Variants in NGLY1 observed in about 807,000 individuals in gnomAD.
The protein encoded by NGLY1 is N-glycanase 1.
A neutral mutation model predicts 84.6 loss-of-function variants in NGLY1; 68 were observed. The observed-to-expected ratio is 0.80, with a 90% CI of 0.66 to 0.98. The LOEUF (loss-of-function observed/expected upper bound fraction) is 0.98. NGLY1 is among the 50% of genes least tolerant of loss of function. The pLI is 0.00. For missense variants in NGLY1, 779 were observed against 770.2 expected (o/e 1.01, Z -0.14); for synonymous variants, 280 against 275.2 (o/e 1.02, Z -0.17).
intron 2 of NGLY1, among the ~76,000 whole-genome samples, chr3:25,769,910 T>A (rs979339157): frequency 6.6e-6 from 1 of 152,154 alleles, no homozygotes; most frequent in African/African-American, 2.4e-5. Context: ...CAACTAAAAG[T>A]ATAGTCTTTT....
At chr3:25,772,695 T>G (rs1226681818) in intron 2 of NGLY1, among the ~76,000 whole-genome samples, 1 of 24,450 alleles carries the variant, frequency 4.1e-5, no homozygotes, top group Non-Finnish European at 5.8e-4. Flanking sequence ...AATACTTTGT[T>G]TTTTTTTCAT....
chr3:25,725,975 T>C (rs1181619841), intron 10 of NGLY1, among the ~76,000 whole-genome samples: 1 of 152,220 alleles, frequency 6.6e-6, no homozygotes, highest in Non-Finnish European at 1.5e-5. Context: ...GCCTCTTAAT[T>C]CACCATTACA....
rs2125442764 is a variant in NGLY1 at position 25,720,027 on chromosome 3, T to C, written c.1776A>G (p.Val592=). Residue 592 remains valine (V), a synonymous_variant, in exon 11 of 12, where the codon GTA becomes GTG. Coordinates refer to ENST00000280700, the MANE Select transcript of NGLY1 (RefSeq NM_018297.4). ...EWKLRSDTAQ[V]ELTGDNSLHS... is the part of the protein sequence containing the mutation. ...GCAAATGCTTACCGCCTGTCAGTTC[T>C]ACTTGTGCTGTATCAGATCGCAATT... 1.2e-6 allele frequency: 2 copies of C among 1,612,378 alleles called. No individual in the cohort carries two copies. Among genetic ancestry groups the C allele is most frequent in the Non-Finnish European group, 1.7e-6 (2 of 1,178,936 alleles).
At chr3:25,748,011 G>A (rs1485740503) in intron 4 of NGLY1, among the ~76,000 whole-genome samples, 1 of 152,116 alleles carries the variant, frequency 6.6e-6, no homozygotes, top group Admixed American at 6.6e-5. Flanking sequence ...AGTAAGAATT[G>A]TGAGGTATAC....
intron 4 of NGLY1, among the ~76,000 whole-genome samples, chr3:25,743,194 G>T (rs1244810244): frequency 6.6e-6 from 1 of 152,138 alleles, no homozygotes; most frequent in East Asian, 1.9e-4. Context: ...GGGATACTTC[G>T]ATTTCCCGCT....
At chr3:25,756,989 C>CT (rs1454043836) in intron 3 of NGLY1, among the ~76,000 whole-genome samples, 1 of 152,076 alleles carries the variant, frequency 6.6e-6, no homozygotes, top group Non-Finnish European at 1.5e-5. Context: ...TTTTGTTTTT[C>CT]TTAAGTTCAA....
At chr3:25,783,468 G>A (rs1180703412), upstream of NGLY1, 1 of 1,347,990 alleles carries the variant, frequency 7.4e-7, no homozygotes, top group Admixed American at 4.1e-5. The surrounding 1 kb of genome is among the most constrained non-coding windows in gnomAD (Gnocchi z 4.5). Context: ...GCGCGCAGCA[G>A]CTACCGCAGC....
intron 2 of NGLY1, among the ~76,000 whole-genome samples, chr3:25,776,980 T>C (rs1487034467): frequency 6.6e-6 from 1 of 152,222 alleles, no homozygotes; most frequent in Non-Finnish European, 1.5e-5. Context: ...ATTTCTTATT[T>C]AGACTAATGT....
intron 2 of NGLY1, among the ~76,000 whole-genome samples, chr3:25,766,891 A>G (rs992965538): frequency 2.1e-4 from 32 of 152,242 alleles, no homozygotes; most frequent in African/African-American, 7.5e-4. Flanking sequence ...AAAAGAAGAT[A>G]TAATTATGGC....
intron 10 of NGLY1, among the ~76,000 whole-genome samples, chr3:25,725,980 A>G (rs1705236259): frequency 6.6e-6 from 1 of 152,174 alleles, no homozygotes; most frequent in Admixed American, 6.5e-5. Flanking sequence ...TTAATTCACC[A>G]TTACATCAGA....
intron 10 of NGLY1, among the ~76,000 whole-genome samples, chr3:25,721,573 C>A (rs1235370879): frequency 6.6e-6 from 1 of 150,730 alleles, no homozygotes; most frequent in Non-Finnish European, 1.5e-5. Flanking sequence ...CACAGTGAAA[C>A]CCTGCCTCTA....
chr3:25,757,772 TTC>T (rs1462689012), intron 3 of NGLY1, among the ~76,000 whole-genome samples: 15 of 152,216 alleles, frequency 9.9e-5, no homozygotes, highest in African/African-American at 3.6e-4. Context: ...GTATGAGAAT[TTC>T]TGTTTATATT....
At chr3:25,773,015 G>C (rs1006412946) in intron 2 of NGLY1, among the ~76,000 whole-genome samples, 1 of 152,134 alleles carries the variant, frequency 6.6e-6, no homozygotes, top group Non-Finnish European at 1.5e-5. Context: ...TCTGATAGGT[G>C]TTCCTTTTTA....
At chr3:25,764,682 TCTATGAAATTCC>T (rs1707476643) in intron 2 of NGLY1, among the ~76,000 whole-genome samples, 2 of 151,962 alleles carry the variant, frequency 1.3e-5, no homozygotes, top group Non-Finnish European at 2.9e-5. Flanking sequence ...ACTACTATTC[TCTATGAAATTCC>T]CTATGAAATA....
intron 8 of NGLY1, among the ~76,000 whole-genome samples, chr3:25,733,383 T>G (rs180986677): frequency 2.0e-3 from 302 of 152,176 alleles, no homozygotes; most frequent in African/African-American, 6.9e-3. Flanking sequence ...GAACCTTTCA[T>G]CTTGGAACTC....
chr3:25,775,390 T>C (rs1027476138), intron 2 of NGLY1, among the ~76,000 whole-genome samples: 1 of 152,198 alleles, frequency 6.6e-6, no homozygotes, highest in African/African-American at 2.4e-5. Context: ...TTAACCTAAT[T>C]GTCCATCAAT....
At chr3:25,732,931 G>T (rs1396799615) in intron 8 of NGLY1, among the ~76,000 whole-genome samples, 1 of 152,164 alleles carries the variant, frequency 6.6e-6, no homozygotes, top group African/African-American at 2.4e-5. Context: ...GAGAAGAAAA[G>T]AATTGAGGTG....
rs532007026 is a variant in NGLY1 at position 25,733,983 on chromosome 3, C to G, written c.1150-1G>C. The G allele has an allele frequency of 1.2e-5, 20 of 1,612,266 alleles. No homozygotes were observed. Among genetic ancestry groups the G allele is most frequent in the Non-Finnish European group, 1.7e-5 (20 of 1,178,714 alleles). On this transcript the variant is annotated splice_acceptor_variant, in intron 7 of 11. Transcript: ENST00000280700. LOFTEE classifies it high-confidence loss of function. ...AATATCGCCAAGTGACATCAACTACCTGAAACAAATAACAGAATACAAATA... is the reference window on the plus strand; with the variant it reads ...AATATCGCCAAGTGACATCAACTACGTGAAACAAATAACAGAATACAAATA...
intron 4 of NGLY1, among the ~76,000 whole-genome samples, chr3:25,743,964 G>A (rs2125496203): frequency 6.6e-6 from 1 of 152,258 alleles, no homozygotes; most frequent in African/African-American, 2.4e-5. Flanking sequence ...AGAGATAAGG[G>A]AAGCCTGATT....
Sources: gnomAD v4.1 joint callset for allele counts (sites outside exome capture counted in the v4.1 genomes callset) on GRCh38, gnomAD v4.1.1 for gene constraint, Gnocchi (gnomAD v3.1) non-coding constraint, MANE v1.5 for transcripts, NCBI Gene and HGNC (gene_info 2026-07-23, HGNC 2026-07-21) for gene names.